Variants in LINGO3 observed in about 807,000 individuals in gnomAD.
LINGO3 encodes leucine rich repeat and Ig domain containing 3.
For missense variants in LINGO3, 750 were observed against 867.7 expected (o/e 0.86, Z 1.70); for synonymous variants, 427 against 444.2 (o/e 0.96, Z 0.49).
chr19:2,288,577 C>G (rs1391544289), downstream of LINGO3, among the ~76,000 whole-genome samples: 2 of 152,212 alleles, frequency 1.3e-5, no homozygotes, highest in Admixed American at 6.5e-5. This position sits in a 1 kb window ranked among gnomAD's most constrained non-coding sequence, Gnocchi z 6.5. Flanking sequence ...TGGGGTGGCC[C>G]TCTCTTGCCT....
At chr19:2,297,303 C>T in the LINGO3 span, among the ~76,000 whole-genome samples, 9 of 139,592 alleles carry the variant, frequency 6.4e-5, no homozygotes, top group Middle Eastern at 3.2e-3. Flanking sequence ...TCCCTCCCCC[C>T]CTTTTTTTTT....
chr19:2,307,720 A>G, the LINGO3 span, among the ~76,000 whole-genome samples: 2 of 151,610 alleles, frequency 1.3e-5, no homozygotes, highest in African/African-American at 4.8e-5. Context: ...CTCTATTCGG[A>G]CGTTCCCCAC....
upstream of LINGO3, among the ~76,000 whole-genome samples, chr19:2,296,669 G>A (rs2025574444): frequency 1.3e-5 from 2 of 151,894 alleles, no homozygotes; most frequent in African/African-American, 4.8e-5. Flanking sequence ...AGTAGAGACG[G>A]GGTTTCACCA....
At position 2,290,940 on chromosome 19, in the gene LINGO3, G is replaced by A. The variant is rs1052453274; in HGVS notation, c.837C>T (p.His279=). 6.2e-7 allele frequency: 1 copy of A among 1,612,006 alleles called. No individual in the cohort carries two copies. Among genetic ancestry groups the A allele is most frequent in the Non-Finnish European group, 8.5e-7 (1 of 1,179,520 alleles). ...CCCGCGGCACCGTGCTGATGGGGTT[G>A]TGCGACAGATTGAGGCAGGTGAGGT... is the stretch of plus-strand genomic sequence containing the variant. The change falls in exon 1 of 1, where the codon CAC becomes CAT. Residue 279 remains histidine (H), a synonymous_variant. Transcript: ENST00000585527. The surrounding 1 kb of genome is among the most constrained non-coding windows in gnomAD (Gnocchi z 6.0).
the LINGO3 span, among the ~76,000 whole-genome samples, chr19:2,300,278 T>C: frequency 1.3e-5 from 2 of 151,838 alleles, no homozygotes; most frequent in East Asian, 3.9e-4. Flanking sequence ...GTGATCCACC[T>C]GCCTCAGCCT....
In LINGO3 at chr19:2,290,860, A is replaced by G; in HGVS notation, c.917T>C (p.Leu306Pro). Reference sequence around the variant, plus strand: ...GAAGGCCTGCGGCTCCACCACAGCCAGCAGGGCCCCGGCCAGGTGCAGCTC... The same window carrying G: ...GAAGGCCTGCGGCTCCACCACAGCCGGCAGGGCCCCGGCCAGGTGCAGCTC... The change falls in exon 1 of 1, where the codon CTG becomes CCG. Residue 306 changes from leucine (L) to proline (P), a missense_variant. Coordinates refer to ENST00000585527, the Ensembl canonical transcript of LINGO3. This position sits in a 1 kb window ranked among gnomAD's most constrained non-coding sequence, Gnocchi z 6.0. 1 of 1,611,754 alleles carries G rather than the reference A, an allele frequency of 6.2e-7. No individual in the cohort carries two copies. The highest frequency in any genetic ancestry group is 8.5e-7 in the Non-Finnish European group (1 of 1,179,316).
the LINGO3 span, among the ~76,000 whole-genome samples, chr19:2,307,886 A>C: frequency 6.6e-6 from 1 of 151,868 alleles, no homozygotes; most frequent in South Asian, 2.1e-4. Flanking sequence ...TTCGCCCCCA[A>C]AGTTTCCAGG....
At chr19:2,291,305 C>T in exon 1 of LINGO3, 3 of 1,612,764 alleles carry the variant, frequency 1.9e-6, no homozygotes, top group Non-Finnish European at 2.5e-6. Context: ...TCGTTGTCGC[C>T]CACTTCCAGC....
the LINGO3 span, among the ~76,000 whole-genome samples, chr19:2,300,633 G>C: frequency 2.5e-3 from 376 of 152,066 alleles, 1 homozygote; most frequent in Non-Finnish European, 3.6e-3. Context: ...CCCCGGCCAC[G>C]CGGAGCCAAC....
chr19:2,296,920 C>G (rs1257604308), upstream of LINGO3, among the ~76,000 whole-genome samples: 1 of 151,638 alleles, frequency 6.6e-6, no homozygotes, highest in Admixed American at 6.6e-5. Context: ...AACCCCGTCT[C>G]TACTAAAAAA....
chr19:2,299,778 C>T, the LINGO3 span, among the ~76,000 whole-genome samples: 3 of 140,606 alleles, frequency 2.1e-5, no homozygotes, highest in Admixed American at 2.2e-4. Flanking sequence ...GGCTGGAGTG[C>T]AGTGGTGCGA....
At chr19:2,291,362 C>A (rs370823864) in exon 1 of LINGO3, 1 of 1,613,428 alleles carries the variant, frequency 6.2e-7, no homozygotes, top group Non-Finnish European at 8.5e-7. Flanking sequence ...AGCAGGATTA[C>A]CAGCTTGTTC....
At chr19:2,302,925 G>C in the LINGO3 span, among the ~76,000 whole-genome samples, 2 of 152,234 alleles carry the variant, frequency 1.3e-5, no homozygotes, top group Non-Finnish European at 2.9e-5. Context: ...CCCAGCATGT[G>C]CCTGGTGCCG....
chr19:2,300,724 C>G, the LINGO3 span, among the ~76,000 whole-genome samples: 1 of 152,312 alleles, frequency 6.6e-6, no homozygotes, highest in East Asian at 1.9e-4. Flanking sequence ...CTCCGTCCCC[C>G]ACCCCGAACT....
the LINGO3 span, among the ~76,000 whole-genome samples, chr19:2,307,916 C>T: frequency 1.1e-4 from 17 of 152,122 alleles, no homozygotes; most frequent in Non-Finnish European, 2.4e-4. Context: ...GGGGGCCTGG[C>T]AAGGAGCGAT....
chr19:2,299,180 C>T, the LINGO3 span, among the ~76,000 whole-genome samples: 2 of 152,182 alleles, frequency 1.3e-5, no homozygotes, highest in African/African-American at 4.8e-5. Context: ...GACTCCCCCA[C>T]TCGACGGCCT....
Position 2,290,823 on chromosome 19 carries a change from G to C in LINGO3, c.954C>G (p.Arg318=). The stretch of plus-strand genomic sequence containing the variant: ...TGGAGAGGTTGAGCAGGCGGATCTG[G>C]CGCAGGCCCAGGAAGGCCTGCGGCT... The change falls in exon 1 of 1, where the codon CGC becomes CGG. Residue 318 remains arginine (R), a synonymous_variant. Transcript: ENST00000585527. The surrounding 1 kb of genome is among the most constrained non-coding windows in gnomAD (Gnocchi z 6.0). The C allele has an allele frequency of 6.2e-7, 1 of 1,612,452 alleles. No individual in the cohort carries two copies. The highest frequency in any genetic ancestry group is 8.5e-7 in the Non-Finnish European group (1 of 1,179,602).
chr19:2,290,630 C>A lies in LINGO3; in HGVS notation c.1147G>T (p.Ala383Ser). The change falls in exon 1 of 1, where the codon GCC (alanine) becomes TCC (serine). Residue 383 changes from alanine to serine, a missense_variant. Ala to Ser is a moderately conservative substitution (Grantham distance 99, BLOSUM62 1). Transcript: ENST00000585527. This position sits in a 1 kb window ranked among gnomAD's most constrained non-coding sequence, Gnocchi z 6.0. Reference sequence around the variant, plus strand: ...CGCAGCGCGTCGCCGCGCACCTCGGCCGGGGTGGCGCAGGCCGGCAGCCGC... The same window carrying A: ...CGCAGCGCGTCGCCGCGCACCTCGGACGGGGTGGCGCAGGCCGGCAGCCGC... 6.3e-7 allele frequency: 1 copy of A among 1,597,138 alleles called. No homozygotes were observed. Among genetic ancestry groups the A allele is most frequent in the Non-Finnish European group, 8.5e-7 (1 of 1,175,100 alleles).
chr19:2,298,397 AT>A, the LINGO3 span, among the ~76,000 whole-genome samples: 1 of 147,752 alleles, frequency 6.8e-6, no homozygotes, highest in Non-Finnish European at 1.5e-5. Flanking sequence ...CACCTGGTTA[AT>A]TTTTTCATTT....
Sources: allele counts gnomAD v4.1 joint callset (sites outside exome capture counted in the v4.1 genomes callset), GRCh38; gene constraint gnomAD v4.1.1; non-coding constraint Gnocchi (gnomAD v3.1); transcripts MANE v1.5; gene names NCBI Gene and HGNC (gene_info 2026-07-23, HGNC 2026-07-21).